Variants in SLC44A5 observed in about 807,000 individuals in gnomAD.
SLC44A5 encodes choline transporter-like protein 5.
A neutral mutation model predicts 101.8 loss-of-function variants in SLC44A5; 57 were observed. The observed-to-expected ratio is 0.56, with a 90% confidence interval of 0.45 to 0.70. The LOEUF is 0.70. Ranked by LOEUF, SLC44A5 falls within the 30% of genes least tolerant of loss-of-function variation. The pLI is 0.00. For missense variants in SLC44A5, 737 were observed against 853.1 expected (o/e 0.86, Z 1.70); for synonymous variants, 281 against 290.9 (o/e 0.97, Z 0.35).
chr1:75,561,501 C>A (rs1450035824), intron 1 of SLC44A5, among the ~76,000 whole-genome samples: 1 of 152,126 alleles, frequency 6.6e-6, no homozygotes, highest in Non-Finnish European at 1.5e-5. Flanking sequence ...ATGTCACTAA[C>A]ACCTATAACA....
intron 2 of SLC44A5, among the ~76,000 whole-genome samples, chr1:75,399,381 A>C (rs1441105929): frequency 3.3e-5 from 5 of 152,224 alleles, no homozygotes; most frequent in African/African-American, 1.2e-4. Context: ...GAAGATAAAT[A>C]AACTAAATGA....
In SLC44A5 at chr1:75,469,679, G is replaced by A. The variant is rs550436708; in HGVS notation, c.13+71756C>T. On this transcript the variant is annotated intron_variant, in intron 2 of 23. Transcript: ENST00000370859. The stretch of plus-strand genomic sequence containing the variant: ...TATGCCTGTAATTCCAGCCTTCTGG[G>A]AGGTGAGGCAGAAGGATTGCTTGAG... Among the ~76,000 whole-genome samples the A allele has an allele frequency of 5.3e-5, 8 of 152,230 alleles. No homozygotes were observed. The South Asian group carries it at 1.2e-3, about 24-fold the overall frequency.
At chr1:75,660,375 A>G in the SLC44A5 span, among the ~76,000 whole-genome samples, 1 of 152,176 alleles carries the variant, frequency 6.6e-6, no homozygotes, top group Non-Finnish European at 1.5e-5. Flanking sequence ...CAGCTAGCAT[A>G]ATACTGACCG....
At chr1:75,543,642 TATATATACAC>T (rs1273947537) in intron 1 of SLC44A5, among the ~76,000 whole-genome samples, 2 of 142,290 alleles carry the variant, frequency 1.4e-5, no homozygotes, top group African/African-American at 2.6e-5. Context: ...TATATACACA[TATATATACAC>T]ATATATACAC....
the SLC44A5 span, among the ~76,000 whole-genome samples, chr1:75,679,238 T>A: frequency 6.6e-6 from 1 of 151,962 alleles, no homozygotes; most frequent in Non-Finnish European, 1.5e-5. Flanking sequence ...CAGGCCAACG[T>A]TCAGATTCAG....
rs575607808 is a variant in SLC44A5, at chr1:75,406,523, C to T, written c.14-9902G>A. 2.8e-4 allele frequency among the ~76,000 whole-genome samples: 43 copies of T among 152,164 alleles called. No individual in the cohort carries two copies. In the South Asian group the frequency reaches 8.5e-3, roughly 30 times the overall value. On this transcript the variant is annotated intron_variant, in intron 2 of 23. Transcript: ENST00000370859. ...AAAAGCTTATCCACAACAATCAAGT[C>T]GGCTTTATCCCTGGGATGTAAGGCT...
chr1:75,510,937 T>A (rs985768593), intron 2 of SLC44A5, among the ~76,000 whole-genome samples: 18 of 152,082 alleles, frequency 1.2e-4, no homozygotes, highest in African/African-American at 4.1e-4. Flanking sequence ...GGTTAGGAGA[T>A]CGAGACCATC....
intron 1 of SLC44A5, among the ~76,000 whole-genome samples, chr1:75,595,794 G>T (rs1381433267): frequency 6.6e-6 from 1 of 152,118 alleles, no homozygotes; most frequent in East Asian, 1.9e-4. Flanking sequence ...TTTTCAAGAA[G>T]TTTATGGCTT....
intron 2 of SLC44A5, among the ~76,000 whole-genome samples, chr1:75,397,719 T>A (rs547883315): frequency 7.9e-5 from 12 of 152,148 alleles, no homozygotes; most frequent in Non-Finnish European, 1.3e-4. Context: ...TTGGGTCTAA[T>A]CTTTGTTTAA....
chr1:75,683,522 C>T, the SLC44A5 span, among the ~76,000 whole-genome samples: 8 of 151,894 alleles, frequency 5.3e-5, no homozygotes, highest in African/African-American at 7.3e-5. Flanking sequence ...AACCAAACAC[C>T]GCATATTCTC....
At chr1:75,714,322 G>T in the SLC44A5 span, among the ~76,000 whole-genome samples, 1 of 152,210 alleles carries the variant, frequency 6.6e-6, no homozygotes, top group South Asian at 2.1e-4. Flanking sequence ...CTTGATAAAA[G>T]TCAACATTCC....
At chr1:75,530,605 T>C (rs1670660817) in intron 2 of SLC44A5, among the ~76,000 whole-genome samples, 1 of 152,180 alleles carries the variant, frequency 6.6e-6, no homozygotes, top group Non-Finnish European at 1.5e-5. Context: ...CTGACAGATG[T>C]TGTGTCTCTT....
At chr1:75,581,595 A>G (rs1414558624) in intron 1 of SLC44A5, among the ~76,000 whole-genome samples, 1 of 152,222 alleles carries the variant, frequency 6.6e-6, no homozygotes, top group Non-Finnish European at 1.5e-5. Context: ...GGAAAGGGGT[A>G]CAGTATTCCA....
At chr1:75,287,604 G>A (rs1653175082) in intron 5 of SLC44A5, among the ~76,000 whole-genome samples, 1 of 151,908 alleles carries the variant, frequency 6.6e-6, no homozygotes, top group East Asian at 1.9e-4. Flanking sequence ...TGGGGCTCAA[G>A]GGCCGCTGTT....
chr1:75,575,263 G>A (rs169832), intron 1 of SLC44A5, among the ~76,000 whole-genome samples: 1 of 152,054 alleles, frequency 6.6e-6, no homozygotes, highest in African/African-American at 2.4e-5. Flanking sequence ...GTCATTATTT[G>A]TAAGTATGAA....
chr1:75,222,011 G>A (rs1251341929), intron 14 of SLC44A5, among the ~76,000 whole-genome samples: 1 of 149,468 alleles, frequency 6.7e-6, no homozygotes, highest in African/African-American at 2.5e-5. Context: ...CCAGGCTGGA[G>A]TGCAATGTCA....
rs200175652 is a variant in SLC44A5 at position 75,275,007 on chromosome 1, G to T, written c.211C>A (p.Pro71Thr). The T allele has an allele frequency of 1.2e-6, 2 of 1,612,972 alleles. No individual in the cohort carries two copies. The highest frequency in any genetic ancestry group is 1.7e-6 in the Non-Finnish European group (2 of 1,179,466). ...CAAAAGTGGCCCTGGCTGTCTGTAG[G>T]ATAGGCTGCTCTTCTGGGGTCCCCA... ...VHGDPRRAAYPTDSQGHFCGQ... is the reference protein window; with the variant it reads ...VHGDPRRAAYTTDSQGHFCGQ... The change falls in exon 6 of 24, where the codon CCT (proline) becomes ACT (threonine). Residue 71 changes from proline (P) to threonine (T), a missense_variant. Physicochemically the swap from Pro to Thr is conservative, Grantham distance 38. Coordinates refer to ENST00000370859, the MANE Select transcript of SLC44A5 (RefSeq NM_001130058.2).
At chr1:75,684,306 T>A in the SLC44A5 span, among the ~76,000 whole-genome samples, 1 of 152,168 alleles carries the variant, frequency 6.6e-6, no homozygotes, top group Non-Finnish European at 1.5e-5. Context: ...ATTGCATCCT[T>A]GGCCCCTCCA....
At chr1:75,302,522 A>G (rs1348538518) in intron 4 of SLC44A5, among the ~76,000 whole-genome samples, 2 of 152,162 alleles carry the variant, frequency 1.3e-5, no homozygotes, top group African/African-American at 2.4e-5. Flanking sequence ...CTTATTCGCA[A>G]GGGAGGCATT....
Sources: allele counts gnomAD v4.1 joint callset (sites outside exome capture counted in the v4.1 genomes callset), GRCh38; gene constraint gnomAD v4.1.1; transcripts MANE v1.5; gene names NCBI Gene and HGNC (gene_info 2026-07-23, HGNC 2026-07-21).